The following AAMDC variants were observed in gnomAD, a reference collection of about 807,000 sequenced individuals.
The protein encoded by AAMDC is adipogenesis associated Mth938 domain containing.
AAMDC carries 16 observed loss-of-function variants against 15.5 expected under a neutral mutation model. The ratio of observed to expected loss-of-function variants is 1.03; its 90% CI spans 0.70 to 1.57. AAMDC has a LOEUF of 1.57. AAMDC is among the 40% of genes most tolerant of loss of function. The probability of loss-of-function intolerance (pLI) is 0.00; values close to 1 mark genes in which losing one functional copy is unlikely to be tolerated. For synonymous variants in AAMDC, 51 were observed against 51.6 expected (o/e 0.99, Z 0.05); for missense variants, 141 against 144.9 (o/e 0.97, Z 0.14).
At chr11:77,896,982 G>C (rs1952553316) in intron 5 of AAMDC, among the ~76,000 whole-genome samples, 1 of 151,554 alleles carries the variant, frequency 6.6e-6, no homozygotes, top group South Asian at 2.1e-4. Flanking sequence ...GAACCAGACT[G>C]ACATAAAACA....
chr11:77,877,749 A>ATT (rs34288319), intron 5 of AAMDC, among the ~76,000 whole-genome samples: 2 of 148,692 alleles, frequency 1.3e-5, no homozygotes, highest in African/African-American at 4.9e-5. Flanking sequence ...CACACTTGCA[A>ATT]TTTTTTTTTT....
chr11:77,891,784 T>A (rs1349717931), intron 5 of AAMDC: 15 of 1,611,922 alleles, frequency 9.3e-6, no homozygotes, highest in Non-Finnish European at 1.3e-5. Flanking sequence ...GGGCATAAGG[T>A]CAAGGAGTTT....
chr11:77,861,904 T>G (rs748174858), intron 2 of AAMDC, among the ~76,000 whole-genome samples: 51 of 152,202 alleles, frequency 3.4e-4, no homozygotes, highest in Non-Finnish European at 6.3e-4. Context: ...TTTTCTAATG[T>G]CTGCAGCTGA....
chr11:77,885,325 C>T (rs1951958501), intron 5 of AAMDC, among the ~76,000 whole-genome samples: 2 of 152,054 alleles, frequency 1.3e-5, no homozygotes, highest in Non-Finnish European at 1.5e-5. Context: ...GATCTTCCTA[C>T]TTCAGCCTCC....
At chr11:77,828,433 C>T (rs964585479) in intron 1 of AAMDC, among the ~76,000 whole-genome samples, 15 of 151,718 alleles carry the variant, frequency 9.9e-5, no homozygotes, top group Non-Finnish European at 1.8e-4. Flanking sequence ...TTTGGGAGGC[C>T]GAGGCAGATG....
downstream of AAMDC, among the ~76,000 whole-genome samples, chr11:77,874,275 T>C (rs1951538443): frequency 6.6e-6 from 1 of 152,152 alleles, no homozygotes; most frequent in Admixed American, 6.5e-5. Context: ...AGATGACAGA[T>C]CTTTCTAGAT....
chr11:77,873,374 A>G (rs746967535), downstream of AAMDC, among the ~76,000 whole-genome samples: 2 of 152,236 alleles, frequency 1.3e-5, no homozygotes, highest in African/African-American at 2.4e-5. Flanking sequence ...TTATCTTTCT[A>G]TTAATGGGGA....
At chr11:77,901,862 C>T (rs945294947), downstream of AAMDC, among the ~76,000 whole-genome samples, 1 of 151,764 alleles carries the variant, frequency 6.6e-6, no homozygotes, top group Non-Finnish European at 1.5e-5. Context: ...ATGAAGCCCA[C>T]TCTGCTGTGG....
chr11:77,887,416 G>A (rs1952060460), intron 5 of AAMDC, among the ~76,000 whole-genome samples: 1 of 152,122 alleles, frequency 6.6e-6, no homozygotes, highest in South Asian at 2.1e-4. Flanking sequence ...TTGATGAGAC[G>A]TATCTCAAAA....
At chr11:77,866,953 G>A (rs1000845736) in intron 2 of AAMDC, among the ~76,000 whole-genome samples, 8 of 151,880 alleles carry the variant, frequency 5.3e-5, no homozygotes, top group African/African-American at 1.5e-4. Flanking sequence ...TGATTCTCCT[G>A]CCTCAGCCTC....
At chr11:77,846,029 C>G (rs1400032038) in intron 2 of AAMDC, among the ~76,000 whole-genome samples, 2 of 151,404 alleles carry the variant, frequency 1.3e-5, no homozygotes, top group Non-Finnish European at 2.9e-5. Context: ...GAGAACTGGA[C>G]ATTTTACATA....
intron 2 of AAMDC, chr11:77,869,316 T>C (rs543828171): frequency 0.013 from 2,101 of 161,202 alleles, 28 homozygotes; most frequent in Middle Eastern, 0.022. Flanking sequence ...CTTTTTCTTT[T>C]TTTTTTTTTT....
At chr11:77,884,072 A>G in intron 5 of AAMDC, 1 of 1,021,792 alleles carries the variant, frequency 9.8e-7, no homozygotes, top group Non-Finnish European at 1.4e-6. Context: ...CTTTACTAAG[A>G]TTGAGCCTTG....
chr11:77,892,478 C>T (rs1253761366), intron 5 of AAMDC, among the ~76,000 whole-genome samples: 2 of 152,168 alleles, frequency 1.3e-5, no homozygotes, highest in Non-Finnish European at 2.9e-5. Flanking sequence ...CTCTCATCTT[C>T]CCAAAAATCT....
intron 5 of AAMDC, among the ~76,000 whole-genome samples, chr11:77,888,228 A>G (rs1358959829): frequency 6.6e-6 from 1 of 152,228 alleles, no homozygotes; most frequent in Non-Finnish European, 1.5e-5. Context: ...AAACAGAGAT[A>G]TAGATCAATG....
intron 1 of AAMDC, among the ~76,000 whole-genome samples, chr11:77,822,075 TA>T (rs1948935248): frequency 6.6e-6 from 1 of 152,176 alleles, no homozygotes; most frequent in South Asian, 2.1e-4. Flanking sequence ...CCGCTATATT[TA>T]TTTAGTCTAT....
At chr11:77,839,823 G>A (rs920178441) in intron 1 of AAMDC, among the ~76,000 whole-genome samples, 1 of 152,116 alleles carries the variant, frequency 6.6e-6, no homozygotes, top group African/African-American at 2.4e-5. Flanking sequence ...TTGCTGGTGG[G>A]GGTCAGGGGG....
chr11:77,827,098 C>T (rs926738612), intron 1 of AAMDC, among the ~76,000 whole-genome samples: 6 of 126,192 alleles, frequency 4.8e-5, no homozygotes, highest in African/African-American at 1.3e-4. Flanking sequence ...GAGCGAAACT[C>T]GTCTCAAAAA....
chr11:77,847,955 C>G (rs1201477253), intron 2 of AAMDC, among the ~76,000 whole-genome samples: 2 of 151,892 alleles, frequency 1.3e-5, no homozygotes, highest in African/African-American at 2.4e-5. Context: ...AATGGTGAGG[C>G]AGAAAAAAAG....
Sources: gnomAD v4.1 joint callset for allele counts (sites outside exome capture counted in the v4.1 genomes callset) on GRCh38, gnomAD v4.1.1 for gene constraint, MANE v1.5 for transcripts, NCBI Gene and HGNC (gene_info 2026-07-23, HGNC 2026-07-21) for gene names.